MAPKAP1: variants seen among roughly 807,000 people sequenced by gnomAD.
MAPKAP1 encodes the protein MAPK associated protein 1, also known as target of rapamycin complex 2 subunit MAPKAP1.
A neutral mutation model predicts 65.7 loss-of-function variants in MAPKAP1; 20 were observed. That is an observed-to-expected ratio of 0.30 (90% confidence interval 0.21 to 0.44). The LOEUF (loss-of-function observed/expected upper bound fraction) is 0.44, where lower values mean the gene tolerates loss of function less well. MAPKAP1 is among the 20% of genes least tolerant of loss of function. The pLI is 1.00. For missense variants in MAPKAP1, 423 were observed against 648.0 expected (o/e 0.65, Z 3.77); for synonymous variants, 222 against 244.3 (o/e 0.91, Z 0.85).
At chr9:125,613,861 G>A (rs1019602224) in intron 4 of MAPKAP1, among the ~76,000 whole-genome samples, 16 of 151,366 alleles carry the variant, frequency 1.1e-4, no homozygotes, top group Non-Finnish European at 1.5e-4. Context: ...GCAGTGGCGC[G>A]ATCTCAGCTC....
chr9:125,633,490 A>T (rs1233406340), intron 4 of MAPKAP1, among the ~76,000 whole-genome samples: 1 of 152,226 alleles, frequency 6.6e-6, no homozygotes, highest in Non-Finnish European at 1.5e-5. Context: ...CATAAAAGAC[A>T]GTTGTCAGAA....
At chr9:125,536,372 G>A (rs1055092258) in intron 7 of MAPKAP1, among the ~76,000 whole-genome samples, 1 of 152,190 alleles carries the variant, frequency 6.6e-6, no homozygotes, top group Non-Finnish European at 1.5e-5. Flanking sequence ...GGGCACTTCT[G>A]AGTCACACAT....
chr9:125,584,986 TAAAGA>T (rs1298684058), intron 5 of MAPKAP1, among the ~76,000 whole-genome samples: 1 of 152,094 alleles, frequency 6.6e-6, no homozygotes, highest in Non-Finnish European at 1.5e-5. Context: ...CATTAACTGA[TAAAGA>T]AAACTAAAAT....
chr9:125,590,824 AG>A (rs1831937202), intron 4 of MAPKAP1, among the ~76,000 whole-genome samples: 1 of 151,812 alleles, frequency 6.6e-6, no homozygotes, highest in Admixed American at 6.6e-5. Flanking sequence ...CCCAAACTGG[AG>A]TGCAGTGGCA....
chr9:125,495,865 A>G (rs1170117677), intron 8 of MAPKAP1, among the ~76,000 whole-genome samples: 7 of 152,242 alleles, frequency 4.6e-5, no homozygotes, highest in Non-Finnish European at 1.0e-4. Flanking sequence ...GAGGGAAAGA[A>G]AACAGGAATC....
rs73593544 is a variant in MAPKAP1, at chr9:125,627,509, G to C, written c.498+30142C>G. Among the ~76,000 whole-genome samples the C allele has an allele frequency of 8.4e-3, 1,276 of 152,234 alleles. 19 individuals carry two copies. Among genetic ancestry groups the C allele is most frequent in the African/African-American group, 0.028 (1,145 of 41,526 alleles). ...TAGTGAAGGCAGAGAGAGTGGGATG[G>C]GAACACCTGGCCTGCACTGAGAAAG... On this transcript the variant is annotated intron_variant, in intron 4 of 11. Coordinates refer to ENST00000265960, the MANE Select transcript of MAPKAP1 (RefSeq NM_001006617.3).
At chr9:125,480,958 C>T (rs928983416) in intron 9 of MAPKAP1, among the ~76,000 whole-genome samples, 1 of 113,222 alleles carries the variant, frequency 8.8e-6, no homozygotes, top group Admixed American at 1.3e-4. Context: ...GGTGACAGAG[C>T]GAGACTCCGT....
Position 125,697,308 on chromosome 9 carries a change from C to T in MAPKAP1, c.-70+9663G>A, listed in dbSNP as rs1835415038. Among the ~76,000 whole-genome samples, 7 of 152,300 alleles carry T rather than the reference C, an allele frequency of 4.6e-5. No homozygotes were observed. The South Asian group carries it at 1.5e-3, about 32-fold the overall frequency. On this transcript the variant is annotated intron_variant, in intron 1 of 11. Coordinates refer to ENST00000265960, the MANE Select transcript of MAPKAP1 (RefSeq NM_001006617.3). Reference sequence around the variant, plus strand: ...TAAAATGATGGTCACTGACTCTACTCATATTTGTTAATATCAATTTTAAAC... The same window carrying T: ...TAAAATGATGGTCACTGACTCTACTTATATTTGTTAATATCAATTTTAAAC...
At chr9:125,636,593 G>A (rs1272835514) in intron 4 of MAPKAP1, among the ~76,000 whole-genome samples, 1 of 152,128 alleles carries the variant, frequency 6.6e-6, no homozygotes, top group Admixed American at 6.5e-5. Flanking sequence ...ATGAACACAG[G>A]GCAGGTGCAT....
chr9:125,574,122 C>A (rs1564565154), intron 5 of MAPKAP1, among the ~76,000 whole-genome samples: 1 of 152,044 alleles, frequency 6.6e-6, no homozygotes, highest in Admixed American at 6.6e-5. Context: ...GTGCTTTTAC[C>A]CTTGATAATT....
At chr9:125,485,735 TC>T (rs1854481643) in intron 8 of MAPKAP1, among the ~76,000 whole-genome samples, 1 of 152,200 alleles carries the variant, frequency 6.6e-6, no homozygotes, top group African/African-American at 2.4e-5. Context: ...TGATGGTTCT[TC>T]TGGAAGTGAA....
chr9:125,671,603 C>A (rs1304293127), intron 2 of MAPKAP1, among the ~76,000 whole-genome samples: 2 of 151,954 alleles, frequency 1.3e-5, no homozygotes, highest in Non-Finnish European at 2.9e-5. Context: ...AAAAAAAAGT[C>A]CTTGGTTCAT....
chr9:125,494,961 A>T (rs1476108723), intron 8 of MAPKAP1, among the ~76,000 whole-genome samples: 1 of 152,192 alleles, frequency 6.6e-6, no homozygotes, highest in Non-Finnish European at 1.5e-5. Context: ...ATGAACAAAT[A>T]TGTGCCCAAA....
At chr9:125,578,991 A>C (rs535254967) in intron 5 of MAPKAP1, among the ~76,000 whole-genome samples, 1 of 152,350 alleles carries the variant, frequency 6.6e-6, no homozygotes, top group African/African-American at 2.4e-5. Flanking sequence ...TCTCTTAGGC[A>C]AAAATTTCAT....
chr9:125,621,451 A>G (rs1832897253), intron 4 of MAPKAP1, among the ~76,000 whole-genome samples: 1 of 152,202 alleles, frequency 6.6e-6, no homozygotes, highest in Non-Finnish European at 1.5e-5. Flanking sequence ...ATATCTGTAA[A>G]CCAGCAATAC....
At chr9:125,684,659 C>A (rs1834921123) in intron 1 of MAPKAP1, among the ~76,000 whole-genome samples, 1 of 152,184 alleles carries the variant, frequency 6.6e-6, no homozygotes, top group Non-Finnish European at 1.5e-5. Flanking sequence ...ACAATAAAGA[C>A]AAGTTGCATT....
chr9:125,599,073 T>C (rs147871288), intron 4 of MAPKAP1, among the ~76,000 whole-genome samples: 1 of 151,992 alleles, frequency 6.6e-6, no homozygotes, highest in Non-Finnish European at 1.5e-5. Context: ...CACTTATTAC[T>C]GTGCCTAGTC....
chr9:125,588,039 A>G (rs541824662), intron 4 of MAPKAP1, among the ~76,000 whole-genome samples: 19 of 152,232 alleles, frequency 1.2e-4, no homozygotes, highest in Non-Finnish European at 2.5e-4. Context: ...CAGAATTACC[A>G]TATGACCAAG....
chr9:125,493,349 G>C (rs1049177066), intron 8 of MAPKAP1, among the ~76,000 whole-genome samples: 1 of 152,128 alleles, frequency 6.6e-6, no homozygotes, highest in Non-Finnish European at 1.5e-5. Context: ...AGTCCAAATG[G>C]AACCTCCCCT....
Sources: gnomAD v4.1 joint callset for allele counts (sites outside exome capture counted in the v4.1 genomes callset) on GRCh38, gnomAD v4.1.1 for gene constraint, MANE v1.5 for transcripts, NCBI Gene and HGNC (gene_info 2026-07-23, HGNC 2026-07-21) for gene names.